Variants in FOXP2 observed in about 807,000 individuals in gnomAD.
FOXP2 encodes the protein forkhead box protein P2.
FOXP2 carries 12 observed loss-of-function variants against 115.8 expected under a neutral mutation model. The observed-to-expected ratio is 0.10, with a 90% confidence interval of 0.07 to 0.17. The LOEUF is 0.17. Ranked by LOEUF, FOXP2 falls within the 10% of genes least tolerant of loss-of-function variation. The pLI, the probability that FOXP2 is intolerant of heterozygous loss-of-function variation, is 1.00. For missense variants in FOXP2, 629 were observed against 843.5 expected (o/e 0.75, Z 3.15); for synonymous variants, 328 against 297.7 (o/e 1.10, Z -1.05).
intron 2 of FOXP2, among the ~76,000 whole-genome samples, chr7:114,318,587 ACACAATGATT>A (rs1056928892): frequency 4.6e-5 from 7 of 152,010 alleles, no homozygotes; most frequent in African/African-American, 1.7e-4. Flanking sequence ...ATGAATTTAA[ACACAATGATT>A]CACAATAAAC....
chr7:114,307,974 G>C (rs943804077), intron 2 of FOXP2, among the ~76,000 whole-genome samples: 1 of 152,016 alleles, frequency 6.6e-6, no homozygotes, highest in African/African-American at 2.4e-5. Context: ...GCTGGGCTGT[G>C]GCACTAGATC....
chr7:114,634,733 CAT>C (rs1219409492), intron 6 of FOXP2, among the ~76,000 whole-genome samples: 1 of 151,592 alleles, frequency 6.6e-6, no homozygotes, highest in Non-Finnish European at 1.5e-5. Flanking sequence ...ATATGAATAA[CAT>C]AGTTTATATA....
chr7:114,147,194 G>A (rs1014176628), intron 1 of FOXP2, among the ~76,000 whole-genome samples: 13 of 152,124 alleles, frequency 8.5e-5, no homozygotes, highest in African/African-American at 3.1e-4. Context: ...ATAAGATGGG[G>A]TTGTTATAGG....
At chr7:114,609,687 T>A (rs1803528322) in intron 3 of FOXP2, among the ~76,000 whole-genome samples, 3 of 152,190 alleles carry the variant, frequency 2.0e-5, no homozygotes, top group African/African-American at 7.2e-5. Context: ...GTGAACCTTT[T>A]TGCCAGTGTC....
chr7:114,114,465 G>GAT (rs983798188), intron 1 of FOXP2, among the ~76,000 whole-genome samples: 8 of 151,996 alleles, frequency 5.3e-5, no homozygotes, highest in Non-Finnish European at 4.4e-5. Flanking sequence ...GAAATTAAAA[G>GAT]ATATACCATC....
upstream of FOXP2, among the ~76,000 whole-genome samples, chr7:114,159,893 A>G (rs1407742381): frequency 6.6e-6 from 1 of 152,204 alleles, no homozygotes; most frequent in Non-Finnish European, 1.5e-5. Context: ...CTCTATTTTT[A>G]TGCAAAGGCT....
At chr7:114,486,893 C>G (rs1796808887) in intron 2 of FOXP2, among the ~76,000 whole-genome samples, 1 of 152,156 alleles carries the variant, frequency 6.6e-6, no homozygotes, top group African/African-American at 2.4e-5. Context: ...AGGGTACAGC[C>G]CCCATCCTGG....
upstream of FOXP2, among the ~76,000 whole-genome samples, chr7:114,412,385 C>A (rs990925150): frequency 6.6e-6 from 1 of 152,108 alleles, no homozygotes; most frequent in South Asian, 2.1e-4. Context: ...GGAGTTATTT[C>A]CAGGTGATAT....
chr7:114,359,505 T>C (rs1204275345), intron 2 of FOXP2, among the ~76,000 whole-genome samples: 3 of 152,166 alleles, frequency 2.0e-5, no homozygotes, highest in Non-Finnish European at 1.5e-5. Flanking sequence ...GCTTGTACCA[T>C]GGGCCTGGAA....
chr7:114,260,751 A>T (rs374624855), intron 1 of FOXP2, among the ~76,000 whole-genome samples: 1 of 152,192 alleles, frequency 6.6e-6, no homozygotes, highest in Non-Finnish European at 1.5e-5. Flanking sequence ...CCAATTTAAA[A>T]TGAGTTCAGA....
At chr7:114,366,777 T>G (rs879600139) in intron 2 of FOXP2, 2 of 152,170 alleles carry the variant, frequency 1.3e-5, no homozygotes, top group Non-Finnish European at 2.9e-5. Flanking sequence ...ATAATTATAA[T>G]TTTGTTTTGT....
intron 16 of FOXP2, among the ~76,000 whole-genome samples, chr7:114,682,132 A>G (rs1003403581): frequency 6.6e-6 from 1 of 152,166 alleles, no homozygotes; most frequent in Non-Finnish European, 1.5e-5. Context: ...CTTTATGGGT[A>G]AAGAAATGGA....
At chr7:114,154,353 T>A (rs1216282571) in intron 1 of FOXP2, among the ~76,000 whole-genome samples, 1 of 151,988 alleles carries the variant, frequency 6.6e-6, no homozygotes, top group Non-Finnish European at 1.5e-5. Flanking sequence ...TTTCCACCTC[T>A]CCTGCCTATT....
At position 114,693,404 on chromosome 7, in the gene FOXP2, A is replaced by G. The variant is rs1054546568; in HGVS notation, c.*3478A>G. 2.6e-5 allele frequency: 12 copies of G among 453,760 alleles called. No homozygotes were observed. In the East Asian group the frequency reaches 4.2e-4, roughly 16 times the overall value. 28.1% of individuals were successfully genotyped at this position (453,760 alleles called of 1,614,324 possible). A position where few individuals can be genotyped will look rare whatever the true frequency, so the allele number is the denominator to read the frequency against. ...GGCAGATTCAGTCGCAAAATCCAATATGATATTTTGTAAAGTTTTCAAGTT... is the reference window on the plus strand; with the variant it reads ...GGCAGATTCAGTCGCAAAATCCAATGTGATATTTTGTAAAGTTTTCAAGTT... On this transcript the variant is annotated 3_prime_UTR_variant, in exon 17 of 17. Coordinates refer to ENST00000350908, the MANE Select transcript of FOXP2 (RefSeq NM_014491.4).
At chr7:114,604,924 A>G (rs1356244582) in intron 3 of FOXP2, among the ~76,000 whole-genome samples, 2 of 152,132 alleles carry the variant, frequency 1.3e-5, no homozygotes, top group African/African-American at 4.8e-5. Context: ...TCCCAATTCT[A>G]CCTCTTACTA....
At chr7:114,600,660 A>G (rs1387909034) in intron 3 of FOXP2, among the ~76,000 whole-genome samples, 1 of 152,202 alleles carries the variant, frequency 6.6e-6, no homozygotes, top group Non-Finnish European at 1.5e-5. Context: ...CCTCCTTGTC[A>G]GCATTTGATG....
intron 16 of FOXP2, 66 bp downstream of exon 16, chr7:114,664,502 T>A: frequency 1.9e-6 from 3 of 1,586,266 alleles, no homozygotes; most frequent in Non-Finnish European, 2.6e-6. Flanking sequence ...AAATTTAGAA[T>A]TTTTCCGAAG....
intron 2 of FOXP2, among the ~76,000 whole-genome samples, chr7:114,511,586 G>A (rs1026124010): frequency 1.3e-5 from 2 of 152,056 alleles, no homozygotes; most frequent in African/African-American, 4.8e-5. Context: ...GACATGTTTT[G>A]GAGTAGAGGA....
intron 1 of FOXP2, among the ~76,000 whole-genome samples, chr7:114,097,082 T>G (rs1309957626): frequency 2.0e-5 from 3 of 152,230 alleles, no homozygotes; most frequent in African/African-American, 7.2e-5. Flanking sequence ...ACACAAGCCA[T>G]ATTTTAATTA....
Sources: allele counts gnomAD v4.1 joint callset (sites outside exome capture counted in the v4.1 genomes callset), GRCh38; gene constraint gnomAD v4.1.1; transcripts MANE v1.5; gene names NCBI Gene and HGNC (gene_info 2026-07-23, HGNC 2026-07-21).